Variants in ARSJ observed in about 807,000 individuals in gnomAD.
ARSJ encodes arylsulfatase family member J.
Under a neutral mutation model 35.9 loss-of-function variants are expected in ARSJ, and 26 were observed. The ratio of observed to expected loss-of-function variants is 0.72; its 90% CI spans 0.53 to 1.00. The LOEUF is 1.00. Ranked by LOEUF, ARSJ falls within the 50% of genes least tolerant of loss-of-function variation. The pLI is 0.00. For missense variants in ARSJ, 667 were observed against 723.6 expected (o/e 0.92, Z 0.90); for synonymous variants, 294 against 267.6 (o/e 1.10, Z -0.96).
intron 1 of ARSJ, among the ~76,000 whole-genome samples, chr4:113,956,291 G>C (rs1438291286): frequency 2.0e-5 from 3 of 152,072 alleles, no homozygotes; most frequent in South Asian, 4.1e-4. Context: ...TCTCCTTATA[G>C]GGAATATTTA....
intron 1 of ARSJ, chr4:113,946,531 G>A (rs28700902): frequency 0.37 from 52,025 of 141,046 alleles, 9,446 homozygotes; most frequent in East Asian, 0.53. Flanking sequence ...AGTAAAAAAG[G>A]AAAAAAAAAA....
chr4:113,954,150 G>A (rs751058486), intron 1 of ARSJ, among the ~76,000 whole-genome samples: 16 of 151,942 alleles, frequency 1.1e-4, no homozygotes, highest in Non-Finnish European at 2.2e-4. Flanking sequence ...CGACATCTCA[G>A]TACATATTTG....
intron 1 of ARSJ, among the ~76,000 whole-genome samples, chr4:113,952,038 C>T (rs1725893447): frequency 6.6e-6 from 1 of 151,950 alleles, no homozygotes; most frequent in South Asian, 2.1e-4. Context: ...CCGGATTTTG[C>T]ATGCTGGAAG....
At chr4:113,947,532 G>A (rs1451212346) in intron 1 of ARSJ, among the ~76,000 whole-genome samples, 2 of 145,600 alleles carry the variant, frequency 1.4e-5, no homozygotes, top group Non-Finnish European at 3.0e-5. Context: ...GAGGGAGGGA[G>A]GGAGGGAAGG....
intron 1 of ARSJ, among the ~76,000 whole-genome samples, chr4:113,958,951 T>C (rs560173818): frequency 6.6e-6 from 1 of 152,144 alleles, no homozygotes; most frequent in African/African-American, 2.4e-5. Flanking sequence ...CTACACCCAC[T>C]CTTGCCATTT....
intron 1 of ARSJ, among the ~76,000 whole-genome samples, chr4:113,975,288 G>A (rs1385881621): frequency 6.6e-6 from 1 of 152,086 alleles, no homozygotes; most frequent in African/African-American, 2.4e-5. Flanking sequence ...GGATAAATGA[G>A]TAACAAAATA....
At chr4:113,965,459 G>T in intron 1 of ARSJ, among the ~76,000 whole-genome samples, 2 of 151,976 alleles carry the variant, frequency 1.3e-5, no homozygotes, top group Non-Finnish European at 2.9e-5. Flanking sequence ...TTACATCTTG[G>T]CCAAGATACC....
intron 1 of ARSJ, among the ~76,000 whole-genome samples, chr4:113,938,958 A>T (rs1028400541): frequency 3.3e-5 from 5 of 151,634 alleles, no homozygotes; most frequent in African/African-American, 9.7e-5. Flanking sequence ...CATGTGCACA[A>T]TGTGCAGGTT....
Position 113,903,149 on chromosome 4 carries a change from A to C in ARSJ, c.925T>G (p.Leu309Val). The C allele has an allele frequency of 2.5e-6, 4 of 1,614,182 alleles. No homozygotes were observed. The highest frequency in any genetic ancestry group is 3.4e-6 in the Non-Finnish European group (4 of 1,180,032). ...CLDEAINNVT[L>V]ALKTYGFYNN... ...TAGAAACCATAAGTCTTTAGAGCCAATGTCACGTTGTTGATTGCTTCATCT... is the reference window on the plus strand; with the variant it reads ...TAGAAACCATAAGTCTTTAGAGCCACTGTCACGTTGTTGATTGCTTCATCT... Residue 309 changes from leucine to valine, a missense_variant, in exon 2 of 2, where the codon TTG becomes GTG. Leu to Val is a conservative substitution (Grantham distance 32). Transcript: ENST00000315366.
At chr4:113,940,970 T>C (rs1203651761) in intron 1 of ARSJ, among the ~76,000 whole-genome samples, 1 of 151,934 alleles carries the variant, frequency 6.6e-6, no homozygotes, top group African/African-American at 2.4e-5. Context: ...CTCTCTGAAG[T>C]AAACCTCCAG....
chr4:113,912,854 G>A (rs1723015984), intron 1 of ARSJ, among the ~76,000 whole-genome samples: 1 of 151,874 alleles, frequency 6.6e-6, no homozygotes, highest in Non-Finnish European at 1.5e-5. Context: ...AATTGTGGGA[G>A]GAGAAGCTTT....
intron 1 of ARSJ, among the ~76,000 whole-genome samples, chr4:113,950,202 T>C (rs145061108): frequency 2.3e-4 from 35 of 152,204 alleles, no homozygotes; most frequent in Admixed American, 4.6e-4. Context: ...AGCTTCTCCT[T>C]TTCCCTCCCT....
chr4:113,966,154 C>G (rs775500595), intron 1 of ARSJ, among the ~76,000 whole-genome samples: 1 of 151,728 alleles, frequency 6.6e-6, no homozygotes, highest in Non-Finnish European at 1.5e-5. Flanking sequence ...TACAGGTATG[C>G]TACCAAATTT....
At chr4:113,911,048 A>C (rs17620624) in intron 1 of ARSJ, among the ~76,000 whole-genome samples, 13,828 of 152,190 alleles carry the variant, frequency 0.091, 714 homozygotes, top group African/African-American at 0.13. Context: ...TGGACAAAAG[A>C]GCATTCACAA....
intron 1 of ARSJ, among the ~76,000 whole-genome samples, chr4:113,912,637 T>G (rs1439535547): frequency 6.6e-6 from 1 of 152,086 alleles, no homozygotes; most frequent in African/African-American, 2.4e-5. Context: ...ATGTATAGGT[T>G]CCATGAGGGC....
At chr4:113,976,584 C>T (rs1594530028) in intron 1 of ARSJ, among the ~76,000 whole-genome samples, 1 of 152,270 alleles carries the variant, frequency 6.6e-6, no homozygotes, top group East Asian at 1.9e-4. Flanking sequence ...TTATTTCTTA[C>T]ATCTGTGTTC....
chr4:113,960,026 G>T (rs1378056455), intron 1 of ARSJ, among the ~76,000 whole-genome samples: 1 of 151,728 alleles, frequency 6.6e-6, no homozygotes, highest in East Asian at 1.9e-4. Flanking sequence ...CATTCTTAGT[G>T]TTATCATTAC....
chr4:113,927,813 G>A (rs182556639), intron 1 of ARSJ, among the ~76,000 whole-genome samples: 5 of 152,258 alleles, frequency 3.3e-5, no homozygotes, highest in African/African-American at 9.6e-5. Context: ...CCACCCCTGC[G>A]TCTTTCAAGT....
At chr4:113,910,271 G>C (rs1398138061) in intron 1 of ARSJ, among the ~76,000 whole-genome samples, 1 of 152,150 alleles carries the variant, frequency 6.6e-6, no homozygotes. Flanking sequence ...ATTACTGGGT[G>C]CTGGATACTA....
Sources: gnomAD v4.1 joint callset for allele counts (sites outside exome capture counted in the v4.1 genomes callset) on GRCh38, gnomAD v4.1.1 for gene constraint, MANE v1.5 for transcripts, NCBI Gene and HGNC (gene_info 2026-07-23, HGNC 2026-07-21) for gene names.